Variants in FBXL7 observed in about 807,000 individuals in gnomAD.
FBXL7 encodes F-box/LRR-repeat protein 7.
FBXL7 carries 12 observed loss-of-function variants against 38.3 expected under a neutral mutation model. The observed-to-expected ratio is 0.31, with a 90% confidence interval of 0.20 to 0.51. The LOEUF is 0.51. Among genes scored for constraint, FBXL7 ranks in the 20% least tolerant of loss-of-function variants. The pLI, the probability that FBXL7 is intolerant of heterozygous loss-of-function variation, is 0.98. For missense variants in FBXL7, 567 were observed against 676.4 expected, an observed-to-expected ratio of 0.84 and a Z score of 1.79; for synonymous variants, 297 against 300.9, an observed-to-expected ratio of 0.99 and a Z score of 0.13.
chr5:15,606,408 G>T (rs768898948), intron 1 of FBXL7, among the ~76,000 whole-genome samples: 12 of 152,230 alleles, frequency 7.9e-5, no homozygotes, highest in Non-Finnish European at 1.2e-4. Flanking sequence ...TCCGCTCTAT[G>T]TGTAGGCAAT....
intron 3 of FBXL7, among the ~76,000 whole-genome samples, chr5:15,929,869 G>A (rs1334883435): frequency 2.0e-5 from 3 of 152,114 alleles, no homozygotes; most frequent in Non-Finnish European, 4.4e-5. Flanking sequence ...AGCAACCTCA[G>A]GGAGTTTGGG....
At chr5:15,894,862 G>GT (rs564603208) in intron 2 of FBXL7, among the ~76,000 whole-genome samples, 129 of 151,358 alleles carry the variant, frequency 8.5e-4, no homozygotes, top group Non-Finnish European at 1.3e-3. Context: ...TTTTTTTAAG[G>GT]TTTTTTTTTC....
intron 2 of FBXL7, among the ~76,000 whole-genome samples, chr5:15,704,053 T>G (rs1196465054): frequency 6.6e-6 from 1 of 152,152 alleles, no homozygotes; most frequent in East Asian, 1.9e-4. Flanking sequence ...TCCAGTGGCC[T>G]GGGTTTCTGC....
intron 2 of FBXL7, among the ~76,000 whole-genome samples, chr5:15,708,185 T>G (rs116562976): frequency 6.6e-6 from 1 of 152,190 alleles, no homozygotes; most frequent in Non-Finnish European, 1.5e-5. Flanking sequence ...TTGATTTTTA[T>G]ACAAAAAACA....
intron 2 of FBXL7, among the ~76,000 whole-genome samples, chr5:15,727,940 G>A (rs760993869): frequency 6.6e-5 from 10 of 152,050 alleles, no homozygotes; most frequent in Non-Finnish European, 1.5e-4. Flanking sequence ...TGTTCCTCAG[G>A]TTCAGTAATT....
At chr5:15,868,446 C>G (rs1158606528) in intron 2 of FBXL7, among the ~76,000 whole-genome samples, 3 of 152,184 alleles carry the variant, frequency 2.0e-5, no homozygotes, top group Non-Finnish European at 4.4e-5. Flanking sequence ...CAAAAGGAAA[C>G]TAAGATACCT....
intron 2 of FBXL7, among the ~76,000 whole-genome samples, chr5:15,824,702 G>C (rs1738264181): frequency 1.3e-5 from 2 of 152,060 alleles, no homozygotes; most frequent in South Asian, 4.1e-4. Flanking sequence ...GTTTTGCTTG[G>C]TCTTAAAAAA....
intron 2 of FBXL7, among the ~76,000 whole-genome samples, chr5:15,751,973 T>C (rs1378019915): frequency 2.0e-5 from 3 of 152,138 alleles, no homozygotes; most frequent in South Asian, 2.1e-4. Flanking sequence ...AATGAAGTAA[T>C]AGAAAAATCA....
intron 2 of FBXL7, among the ~76,000 whole-genome samples, chr5:15,827,156 C>T (rs914060950): frequency 6.6e-6 from 1 of 152,072 alleles, no homozygotes. Context: ...CTCTGCTCTG[C>T]CTTTGTGTAG....
chr5:15,758,312 ATT>A (rs113472000), intron 2 of FBXL7, among the ~76,000 whole-genome samples: 17 of 146,224 alleles, frequency 1.2e-4, no homozygotes, highest in African/African-American at 3.8e-4. Flanking sequence ...AAACAAGGGC[ATT>A]TTTTTTTTTT....
chr5:15,679,194 G>C (rs184326693), intron 2 of FBXL7, among the ~76,000 whole-genome samples: 21 of 152,256 alleles, frequency 1.4e-4, no homozygotes, highest in Admixed American at 5.2e-4. Context: ...CTACGCCTCT[G>C]CTGGGAGAAG....
chr5:15,707,652 C>T (rs1480063630), intron 2 of FBXL7, among the ~76,000 whole-genome samples: 1 of 152,120 alleles, frequency 6.6e-6, no homozygotes, highest in Non-Finnish European at 1.5e-5. Context: ...ACATACAAAA[C>T]GTATTAATTA....
intron 2 of FBXL7, among the ~76,000 whole-genome samples, chr5:15,895,899 C>T (rs1277353480): frequency 6.6e-6 from 1 of 152,004 alleles, no homozygotes; most frequent in Non-Finnish European, 1.5e-5. Flanking sequence ...CTTCCTCAGC[C>T]TCCCAAAGTG....
rs1034716768 is a variant in FBXL7, at chr5:15,890,929, A to T, written c.128-36961A>T. On this transcript the variant is annotated intron_variant, in intron 2 of 3. Coordinates refer to ENST00000504595, the MANE Select transcript of FBXL7 (RefSeq NM_012304.5). ...ATAAAATAAAATTACTTGAATAGTG[A>T]TATATTTAAAAAGATAATCTAGATA... 6.0e-5 allele frequency among the ~76,000 whole-genome samples: 9 copies of T among 150,428 alleles called. 1 individual carries two copies. The highest frequency in any genetic ancestry group is 3.0e-5 in the Non-Finnish European group (2 of 67,642).
In FBXL7 at chr5:15,863,802, A is replaced by G. The variant is rs183256361; in HGVS notation, c.128-64088A>G. Reference sequence around the variant, plus strand: ...GAACCTGGTACCTCCTCACTCTCTCATGCTTCCTCTCTTTGTATGCTCTCT... The same window carrying G: ...GAACCTGGTACCTCCTCACTCTCTCGTGCTTCCTCTCTTTGTATGCTCTCT... On this transcript the variant is annotated intron_variant, in intron 2 of 3. Transcript: ENST00000504595. 3.5e-3 allele frequency among the ~76,000 whole-genome samples: 525 copies of G among 152,136 alleles called. 1 individual carries two copies. The highest frequency in any genetic ancestry group is 0.012 in the African/African-American group (493 of 41,504).
At chr5:15,675,003 T>C (rs553145465) in intron 2 of FBXL7, among the ~76,000 whole-genome samples, 1 of 152,220 alleles carries the variant, frequency 6.6e-6, no homozygotes, top group South Asian at 2.1e-4. Flanking sequence ...CAACAGAGTT[T>C]CCCCCAAGAC....
chr5:15,766,508 G>A (rs545057162), intron 2 of FBXL7, among the ~76,000 whole-genome samples: 1 of 152,306 alleles, frequency 6.6e-6, no homozygotes, highest in South Asian at 2.1e-4. Context: ...ATCACCACAA[G>A]GCAGAGGGAG....
At chr5:15,529,449 G>A (rs1246301129) in intron 1 of FBXL7, among the ~76,000 whole-genome samples, 3 of 151,562 alleles carry the variant, frequency 2.0e-5, no homozygotes, top group Admixed American at 6.6e-5. Flanking sequence ...GCAGTGGCGC[G>A]ATCTCGGCTC....
intron 1 of FBXL7, among the ~76,000 whole-genome samples, chr5:15,544,576 C>A (rs530074118): frequency 2.8e-4 from 43 of 152,086 alleles, no homozygotes; most frequent in African/African-American, 1.0e-3. Flanking sequence ...ACACACACAT[C>A]CCCCAACCTG....
Sources: allele counts gnomAD v4.1 joint callset (sites outside exome capture counted in the v4.1 genomes callset), GRCh38; gene constraint gnomAD v4.1.1; transcripts MANE v1.5; gene names NCBI Gene and HGNC (gene_info 2026-07-23, HGNC 2026-07-21).